Variants in GRK3 observed in about 807,000 individuals in gnomAD.
The protein encoded by GRK3 is G protein-coupled receptor kinase 3, also known as adrenergic, beta, receptor kinase 2.
Under a neutral mutation model 95.7 loss-of-function variants are expected in GRK3, and 54 were observed. The ratio of observed to expected loss-of-function variants is 0.56; its 90% CI spans 0.45 to 0.71. The LOEUF is 0.71. GRK3 is among the 30% of genes least tolerant of loss of function. GRK3 has a pLI of 0.00. For synonymous variants in GRK3, 281 were observed against 290.8 expected, an observed-to-expected ratio of 0.97 and a Z score of 0.34; for missense variants, 649 against 851.2, an observed-to-expected ratio of 0.76 and a Z score of 2.96.
intron 18 of GRK3, among the ~76,000 whole-genome samples, chr22:25,716,854 G>A (rs1302931114): frequency 1.3e-5 from 2 of 152,240 alleles, no homozygotes; most frequent in Non-Finnish European, 2.9e-5. Context: ...ATCACCACCT[G>A]AGCTCCGCCT....
intron 13 of GRK3, among the ~76,000 whole-genome samples, chr22:25,698,818 A>G (rs1003577035): frequency 2.0e-5 from 3 of 152,194 alleles, no homozygotes; most frequent in East Asian, 1.9e-4. Flanking sequence ...GAGTTTGCGC[A>G]GCAGCCCTGG....
In GRK3 at chr22:25,565,013, G is replaced by T; in HGVS notation, c.-28G>T. On this transcript the variant is annotated 5_prime_UTR_variant, in exon 1 of 21. Coordinates refer to ENST00000324198, the MANE Select transcript of GRK3 (RefSeq NM_005160.4). ...CGTCCCGTCCAGGTCCGGAGTAACC[G>T]CCGCCGCCGCCGCCAAAGCTCGCCA... 1 of 892,344 alleles carries T rather than the reference G, an allele frequency of 1.1e-6. No individual in the cohort carries two copies. The allele number at this position is 892,344 out of a possible 1,614,324, so 55.3% of individuals were successfully genotyped here.
intron 3 of GRK3, among the ~76,000 whole-genome samples, chr22:25,659,228 A>G (rs765390582): frequency 6.6e-5 from 10 of 152,168 alleles, no homozygotes; most frequent in Non-Finnish European, 1.5e-4. Context: ...TCAGAGAAGA[A>G]TATTTCAAAG....
rs1569200145 is a variant in GRK3 at position 25,696,522 on chromosome 22, A to AT, written c.1160+1315dup. 2.6e-5 allele frequency among the ~76,000 whole-genome samples: 4 copies of AT among 152,300 alleles called. No homozygotes were observed. In the South Asian group the frequency reaches 8.3e-4, roughly 32 times the overall value. ...AATTTTAATGGAAAACTTCAGTTAA[A>AT]TTTTTTTATTATTCAGACTCATAAA... On this transcript the variant is annotated intron_variant, in intron 13 of 20. Transcript: ENST00000324198.
chr22:25,693,302 G>C (rs77278270), intron 12 of GRK3, among the ~76,000 whole-genome samples: 276 of 152,342 alleles, frequency 1.8e-3, no homozygotes, highest in African/African-American at 6.2e-3. Context: ...GCAGCAGGCA[G>C]TCCAAGGTTG....
Position 25,671,808 on chromosome 22 carries a change from A to G in GRK3, c.504-488A>G, listed in dbSNP as rs938838536. On this transcript the variant is annotated intron_variant, in intron 6 of 20. Coordinates refer to ENST00000324198, the MANE Select transcript of GRK3 (RefSeq NM_005160.4). ...GCTTTAAAAGCCATGGCTGTCCAATATGGTAGCCAGTAGCCAGATACAGCT... is the reference window on the plus strand; with the variant it reads ...GCTTTAAAAGCCATGGCTGTCCAATGTGGTAGCCAGTAGCCAGATACAGCT... 1.3e-5 allele frequency among the ~76,000 whole-genome samples: 2 copies of G among 152,234 alleles called. 1 individual carries two copies. The highest frequency in any genetic ancestry group is 2.9e-5 in the Non-Finnish European group (2 of 68,040).
chr22:25,656,087 T>C (rs1409891213), intron 3 of GRK3, among the ~76,000 whole-genome samples: 1 of 152,142 alleles, frequency 6.6e-6, no homozygotes, highest in African/African-American at 2.4e-5. Flanking sequence ...GTACCTGTCT[T>C]GTAGGGTGGT....
intron 1 of GRK3, among the ~76,000 whole-genome samples, chr22:25,583,571 C>T (rs897078066): frequency 2.0e-5 from 3 of 152,104 alleles, no homozygotes; most frequent in Non-Finnish European, 4.4e-5. Flanking sequence ...CTGTCACCCC[C>T]TCTGGACATG....
chr22:25,701,876 T>C (rs1378344997), intron 13 of GRK3, among the ~76,000 whole-genome samples: 1 of 152,206 alleles, frequency 6.6e-6, no homozygotes, highest in African/African-American at 2.4e-5. Flanking sequence ...ACCTCAAACA[T>C]GTTAATATTT....
intron 10 of GRK3, among the ~76,000 whole-genome samples, chr22:25,685,506 A>G (rs986257507): frequency 6.6e-6 from 1 of 152,234 alleles, no homozygotes; most frequent in African/African-American, 2.4e-5. Context: ...ACTTACAGTG[A>G]AACTTGATTT....
intron 1 of GRK3, among the ~76,000 whole-genome samples, chr22:25,602,040 G>A (rs750195744): frequency 6.6e-6 from 1 of 152,160 alleles, no homozygotes; most frequent in South Asian, 2.1e-4. Flanking sequence ...GAAGAGCTGA[G>A]GTGCTCACTG....
intron 8 of GRK3, among the ~76,000 whole-genome samples, chr22:25,676,053 T>C (rs377587426): frequency 1.8e-4 from 27 of 152,348 alleles, no homozygotes; most frequent in African/African-American, 5.5e-4. Context: ...TGCCTTGTTA[T>C]GAGAATTAAA....
Position 25,704,142 on chromosome 22 carries a change from C to G in GRK3, c.1261C>G (p.Leu421Val), listed in dbSNP as rs2085280831. The G allele has an allele frequency of 6.2e-7, 1 of 1,613,680 alleles. No homozygotes were observed. Among genetic ancestry groups the G allele is most frequent in the Non-Finnish European group, 8.5e-7 (1 of 1,179,822 alleles). The change falls in exon 15 of 21, where the codon CTG becomes GTG. Residue 421 changes from leucine (L) to valine (V), a missense_variant. Transcript: ENST00000324198. ...ACTTCCAGACACCTTCTCTCCTGAA[C>G]TGAAGTCCCTTTTGGAGGGCTTGCT... ...VELPDTFSPE[L>V]KSLLEGLLQR...
chr22:25,685,860 A>C (rs2085108980), intron 10 of GRK3, among the ~76,000 whole-genome samples: 1 of 150,394 alleles, frequency 6.6e-6, no homozygotes, highest in African/African-American at 2.4e-5. Flanking sequence ...CACAACTCAC[A>C]TGCCTAGTTT....
At chr22:25,635,232 A>T (rs2084691470) in intron 2 of GRK3, among the ~76,000 whole-genome samples, 1 of 152,170 alleles carries the variant, frequency 6.6e-6, no homozygotes, top group South Asian at 2.1e-4. Context: ...TTGTTTGCAT[A>T]CATTTTGCCT....
At chr22:25,611,197 G>T (rs900964060) in intron 2 of GRK3, among the ~76,000 whole-genome samples, 7 of 152,098 alleles carry the variant, frequency 4.6e-5, no homozygotes, top group Non-Finnish European at 1.5e-5. Context: ...CAGTTGATGG[G>T]CATTTGGATT....
intron 19 of GRK3, among the ~76,000 whole-genome samples, chr22:25,720,249 T>C (rs548126830): frequency 1.3e-5 from 2 of 152,316 alleles, no homozygotes; most frequent in East Asian, 3.9e-4. Context: ...TAAATGAGCT[T>C]GGTTTTAAAA....
chr22:25,637,352 A>G (rs750047355), intron 2 of GRK3, among the ~76,000 whole-genome samples: 1 of 152,166 alleles, frequency 6.6e-6, no homozygotes, highest in Non-Finnish European at 1.5e-5. Flanking sequence ...AATTCCTGTA[A>G]GTCTCCTCTT....
chr22:25,665,875 A>G (rs2084938354), intron 5 of GRK3, among the ~76,000 whole-genome samples: 1 of 152,214 alleles, frequency 6.6e-6, no homozygotes, highest in Non-Finnish European at 1.5e-5. Context: ...CTTTAGAGGT[A>G]AGTAAGTGCA....
Sources: gnomAD v4.1 joint callset for allele counts (sites outside exome capture counted in the v4.1 genomes callset) on GRCh38, gnomAD v4.1.1 for gene constraint, MANE v1.5 for transcripts, NCBI Gene and HGNC (gene_info 2026-07-23, HGNC 2026-07-21) for gene names.